DCP1A: variants seen among roughly 807,000 people sequenced by gnomAD.
The protein encoded by DCP1A is mRNA-decapping enzyme 1A.
In DCP1A, 20 loss-of-function variants were observed where a neutral mutation model predicts 58.0. That is an observed-to-expected ratio of 0.34 (90% CI 0.24 to 0.50). DCP1A has a LOEUF of 0.50. DCP1A is among the 20% of genes least tolerant of loss of function. DCP1A has a pLI of 0.98. For synonymous variants in DCP1A, 285 were observed against 275.1 expected (o/e 1.04, Z -0.36); for missense variants, 613 against 712.2 (o/e 0.86, Z 1.59).
At chr3:53,308,646 T>C (rs1475128912) in intron 5 of DCP1A, among the ~76,000 whole-genome samples, 1 of 152,182 alleles carries the variant, frequency 6.6e-6, no homozygotes, top group Non-Finnish European at 1.5e-5. Context: ...TGAGCTGGAA[T>C]GCAGCAGTTC....
At chr3:53,289,042 A>G (rs1553685597) in intron 8 of DCP1A, among the ~76,000 whole-genome samples, 1 of 149,762 alleles carries the variant, frequency 6.7e-6, no homozygotes, top group African/African-American at 2.4e-5. Context: ...GCAGGGTCTC[A>G]TTCTGTCACC....
chr3:53,305,221 C>T (rs1707432400), intron 5 of DCP1A, among the ~76,000 whole-genome samples: 1 of 152,212 alleles, frequency 6.6e-6, no homozygotes, highest in East Asian at 1.9e-4. Flanking sequence ...AGTAGTATTA[C>T]ATTATATAAA....
At position 53,304,411 on chromosome 3, in the gene DCP1A, C is replaced by T. The variant is rs180862870; in HGVS notation, c.511-121G>A. 1.2e-5 allele frequency: 8 copies of T among 665,900 alleles called. No homozygotes were observed. In the East Asian group the frequency reaches 1.9e-4, roughly 16 times the overall value. The allele number at this position is 665,900 out of a possible 1,614,324, so 41.2% of individuals were successfully genotyped here. On this transcript the variant is annotated intron_variant, in intron 5 of 9. Transcript: ENST00000610213. ...TTTTAAAAAGAAGAAGAAAAACCAA[C>T]CTCAAAATGTTTGCTCTGTACTCCA... is the stretch of plus-strand genomic sequence containing the variant.
intron 3 of DCP1A, among the ~76,000 whole-genome samples, chr3:53,329,881 G>A (rs1261119044): frequency 2.6e-5 from 4 of 152,190 alleles, no homozygotes; most frequent in African/African-American, 4.8e-5. Flanking sequence ...AAAAGATGCC[G>A]TATCTAACAT....
At chr3:53,320,440 T>C (rs537919174) in intron 3 of DCP1A, among the ~76,000 whole-genome samples, 16 of 152,142 alleles carry the variant, frequency 1.1e-4, no homozygotes, top group Admixed American at 2.0e-4. Flanking sequence ...ATAAGACCCA[T>C]TGCTACCATG....
intron 6 of DCP1A, among the ~76,000 whole-genome samples, chr3:53,296,185 G>A (rs990086943): frequency 2.6e-4 from 39 of 151,994 alleles, no homozygotes; most frequent in Admixed American, 2.4e-3. Flanking sequence ...ATGAGCCACC[G>A]CGCCCGGCCC....
At position 53,292,269 on chromosome 3, in the gene DCP1A, G is replaced by A. The variant is rs151209390; in HGVS notation, c.1183C>T (p.Leu395Phe). Reference sequence around the variant, plus strand: ...TGTGGGGTCAACCTGAGTTTCTGGAGAAGATCAACGCTTGGGAGGGATGTG... The same window carrying A: ...TGTGGGGTCAACCTGAGTTTCTGGAAAAGATCAACGCTTGGGAGGGATGTG... Reference protein sequence around the residue: ...AGTSLPSVDLLQKLRLTPQHD... With the variant: ...AGTSLPSVDLFQKLRLTPQHD... The change falls in exon 7 of 10, where the codon CTC becomes TTC. Residue 395 changes from leucine to phenylalanine, a missense_variant. Transcript: ENST00000610213. The A allele has an allele frequency of 2.5e-6, 4 of 1,613,868 alleles. No homozygotes were observed. Among genetic ancestry groups the A allele is most frequent in the Non-Finnish European group, 3.4e-6 (4 of 1,179,882 alleles).
intron 3 of DCP1A, among the ~76,000 whole-genome samples, chr3:53,321,950 C>T (rs1366174038): frequency 7.9e-5 from 12 of 151,936 alleles, no homozygotes; most frequent in African/African-American, 2.4e-4. Context: ...GGGTGCCATA[C>T]AATATAGGAA....
chr3:53,327,765 T>C (rs781915451), intron 3 of DCP1A, among the ~76,000 whole-genome samples: 3 of 151,194 alleles, frequency 2.0e-5, no homozygotes, highest in Non-Finnish European at 2.9e-5. Context: ...CACTCCAGTC[T>C]GGGCAACAGA....
At chr3:53,319,982 T>A (rs1480633678) in intron 3 of DCP1A, among the ~76,000 whole-genome samples, 3 of 151,758 alleles carry the variant, frequency 2.0e-5, no homozygotes, top group Admixed American at 2.0e-4. Context: ...ATACAAAAAT[T>A]AGCCAGCTGT....
At chr3:53,290,523 A>G in intron 8 of DCP1A, 1 of 589,292 alleles carries the variant, frequency 1.7e-6, no homozygotes, top group Non-Finnish European at 3.0e-6. Flanking sequence ...CTGGCCTAGG[A>G]AAGGCATCTA....
At chr3:53,310,680 G>A (rs921622406) in intron 5 of DCP1A, among the ~76,000 whole-genome samples, 4 of 152,188 alleles carry the variant, frequency 2.6e-5, no homozygotes, top group Non-Finnish European at 4.4e-5. Context: ...CCTAAGAATC[G>A]ATTAATTTAT....
chr3:53,294,268 T>TGAGGA (rs1421161415), intron 6 of DCP1A, among the ~76,000 whole-genome samples: 1 of 152,030 alleles, frequency 6.6e-6, no homozygotes, highest in Non-Finnish European at 1.5e-5. Context: ...GGGGTGAGAT[T>TGAGGA]GAGGAGAGTC....
At chr3:53,330,523 G>GAA (rs35855927) in intron 3 of DCP1A, among the ~76,000 whole-genome samples, 2 of 125,546 alleles carry the variant, frequency 1.6e-5, no homozygotes, top group Admixed American at 1.6e-4. Context: ...CCTTGTCTCA[G>GAA]AAAAAAAAAA....
chr3:53,315,745 T>TTG (rs1559694442), intron 4 of DCP1A, among the ~76,000 whole-genome samples: 17 of 29,648 alleles, frequency 5.7e-4, no homozygotes, highest in Non-Finnish European at 1.2e-3. Context: ...CAGTTTGTTG[T>TTG]TTTTTTTTTT....
chr3:53,333,553 T>C (rs547010726), intron 3 of DCP1A, among the ~76,000 whole-genome samples: 223 of 152,092 alleles, frequency 1.5e-3, no homozygotes, highest in African/African-American at 5.1e-3. Flanking sequence ...CCTGTAATCC[T>C]AGCACTTTGG....
intron 3 of DCP1A, among the ~76,000 whole-genome samples, chr3:53,337,114 C>T (rs1354233551): frequency 2.0e-5 from 3 of 152,234 alleles, no homozygotes; most frequent in African/African-American, 7.2e-5. Flanking sequence ...GCAGGTGATC[C>T]ACCCGCCTTG....
At position 53,288,141 on chromosome 3, in the gene DCP1A, G is replaced by A. The variant is rs782467938; in HGVS notation, c.1592C>T (p.Thr531Met). The change falls in exon 9 of 10, where the codon ACG becomes ATG. Residue 531 changes from threonine (T) to methionine (M), a missense_variant. By Grantham distance (81) the Thr-to-Met change is moderately conservative. Around this residue, in one of 3 missense-constraint regions of DCP1A, gnomAD observed 498 missense variants for 556.7 expected, o/e 0.89. Transcript: ENST00000610213. Reference sequence around the variant, plus strand: ...GGAAGGCTTTCTCTGACTTTCTGGCGTTCCAATAGTTAGAGGAGAAGGGGA... The same window carrying A: ...GGAAGGCTTTCTCTGACTTTCTGGCATTCCAATAGTTAGAGGAGAAGGGGA... Reference protein sequence around the residue: ...ASSPSPLTIGTPESQRKPSII... With the variant: ...ASSPSPLTIGMPESQRKPSII... The A allele has an allele frequency of 1.1e-5, 17 of 1,614,018 alleles. No individual in the cohort carries two copies. The highest frequency in any genetic ancestry group is 5.0e-5 in the Admixed American group (3 of 60,018).
intron 3 of DCP1A, among the ~76,000 whole-genome samples, chr3:53,337,536 C>T (rs2089137005): frequency 6.6e-6 from 1 of 152,180 alleles, no homozygotes; most frequent in South Asian, 2.1e-4. Context: ...AATGATTTAG[C>T]CAAGGTTATA....
Sources: gnomAD v4.1 joint callset for allele counts (sites outside exome capture counted in the v4.1 genomes callset) on GRCh38, gnomAD v4.1.1 for gene constraint, gnomAD v4.1.1 regional missense constraint, MANE v1.5 for transcripts, NCBI Gene and HGNC (gene_info 2026-07-23, HGNC 2026-07-21) for gene names.